Variants in TMEM163 observed in about 807,000 individuals in gnomAD.
The protein encoded by TMEM163 is transmembrane protein 163.
A neutral mutation model predicts 29.3 loss-of-function variants in TMEM163; 17 were observed. The ratio of observed to expected loss-of-function variants is 0.58; its 90% CI spans 0.40 to 0.87. TMEM163 has a LOEUF of 0.87. TMEM163 is among the 40% of genes least tolerant of loss of function. The pLI is 0.00. For synonymous variants in TMEM163, 157 were observed against 160.6 expected, an observed-to-expected ratio of 0.98 and a Z score of 0.17; for missense variants, 303 against 381.5, an observed-to-expected ratio of 0.79 and a Z score of 1.71.
At chr2:134,585,757 A>G (rs1170674313) in intron 2 of TMEM163, among the ~76,000 whole-genome samples, 9 of 147,710 alleles carry the variant, frequency 6.1e-5, no homozygotes. Context: ...AAAAAAAAAT[A>G]CCTGGAAGAG....
chr2:134,515,163 G>A (rs940921276), intron 4 of TMEM163, among the ~76,000 whole-genome samples: 2 of 152,152 alleles, frequency 1.3e-5, no homozygotes, highest in African/African-American at 4.8e-5. Context: ...GAGTCATCTC[G>A]AGCCTTAGTC....
chr2:134,679,970 G>A (rs1289386520), intron 2 of TMEM163, among the ~76,000 whole-genome samples: 2 of 149,306 alleles, frequency 1.3e-5, no homozygotes, highest in African/African-American at 4.9e-5. Context: ...CGTACTTTAA[G>A]TTGTTCTGTA....
At chr2:134,529,990 T>G (rs570421395) in intron 4 of TMEM163, among the ~76,000 whole-genome samples, 1 of 152,090 alleles carries the variant, frequency 6.6e-6, no homozygotes, top group African/African-American at 2.4e-5. Flanking sequence ...CTGGCATCAG[T>G]GCCTGCCAAG....
At chr2:134,685,534 G>T (rs1381268653) in intron 2 of TMEM163, among the ~76,000 whole-genome samples, 1 of 152,158 alleles carries the variant, frequency 6.6e-6, no homozygotes, top group Non-Finnish European at 1.5e-5. Context: ...GCATAATTTA[G>T]CATAATGTTA....
intron 2 of TMEM163, among the ~76,000 whole-genome samples, chr2:134,700,295 A>G (rs1029880110): frequency 6.6e-6 from 1 of 152,140 alleles, no homozygotes; most frequent in East Asian, 1.9e-4. Context: ...CTCTAAAAAC[A>G]CTGACTATTT....
intron 2 of TMEM163, among the ~76,000 whole-genome samples, chr2:134,569,935 C>T (rs1681382885): frequency 6.6e-6 from 1 of 152,118 alleles, no homozygotes; most frequent in Non-Finnish European, 1.5e-5. Flanking sequence ...TCCTTTTGTC[C>T]AGCAAATCCA....
chr2:134,531,903 C>A (rs1680424464), intron 4 of TMEM163, among the ~76,000 whole-genome samples: 2 of 152,182 alleles, frequency 1.3e-5, no homozygotes, highest in South Asian at 4.1e-4. Context: ...CTAAATTCTG[C>A]CTTGGTCTTT....
intron 2 of TMEM163, among the ~76,000 whole-genome samples, chr2:134,634,053 G>A (rs1683049479): frequency 7.2e-6 from 1 of 139,368 alleles, no homozygotes; most frequent in African/African-American, 2.6e-5. Context: ...AAAGTAAGAG[G>A]AAAGATGAGA....
intron 6 of TMEM163, among the ~76,000 whole-genome samples, chr2:134,461,744 G>A (rs947053991): frequency 1.4e-4 from 21 of 152,184 alleles, no homozygotes; most frequent in Admixed American, 2.6e-4. Context: ...ACACCCCAGC[G>A]ACAAGTGAGC....
At chr2:134,633,963 ATACATATATATATATATATATATATATAT>A (rs1683036069) in intron 2 of TMEM163, among the ~76,000 whole-genome samples, 1 of 85,050 alleles carries the variant, frequency 1.2e-5, no homozygotes, top group African/African-American at 4.7e-5. Flanking sequence ...CAAAAAAAAA[ATACATATATATATATATATATATATATAT>A]ATATATATAT....
intron 2 of TMEM163, among the ~76,000 whole-genome samples, chr2:134,564,378 AC>A (rs1425457690): frequency 6.6e-6 from 1 of 152,200 alleles, no homozygotes; most frequent in Non-Finnish European, 1.5e-5. Context: ...TATAGAGAAA[AC>A]TGTCGATGAG....
intron 2 of TMEM163, among the ~76,000 whole-genome samples, chr2:134,560,386 T>G (rs1681141009): frequency 6.6e-6 from 1 of 152,162 alleles, no homozygotes; most frequent in Non-Finnish European, 1.5e-5. Context: ...TGGAAAACTT[T>G]CAGATGGATT....
chr2:134,585,521 T>A (rs1681794859), intron 2 of TMEM163, among the ~76,000 whole-genome samples: 1 of 152,126 alleles, frequency 6.6e-6, no homozygotes, highest in Non-Finnish European at 1.5e-5. Context: ...GGCGGGCAGA[T>A]TACGAGGTCA....
chr2:134,695,477 A>T (rs1684558898), intron 2 of TMEM163, among the ~76,000 whole-genome samples: 1 of 152,090 alleles, frequency 6.6e-6, no homozygotes, highest in African/African-American at 2.4e-5. Flanking sequence ...ATACATTATA[A>T]ATCCCTAAGG....
chr2:134,517,908 T>C (rs964327610), intron 4 of TMEM163, among the ~76,000 whole-genome samples: 1 of 152,128 alleles, frequency 6.6e-6, no homozygotes, highest in Admixed American at 6.6e-5. Flanking sequence ...GATCTGCAAA[T>C]TGTGGGCTTC....
chr2:134,539,550 T>C (rs1680617020), intron 4 of TMEM163, among the ~76,000 whole-genome samples: 1 of 152,222 alleles, frequency 6.6e-6, no homozygotes, highest in African/African-American at 2.4e-5. Flanking sequence ...GGAAAAAGTA[T>C]GCTTGATATG....
chr2:134,578,099 A>C (rs1681607498), intron 2 of TMEM163, among the ~76,000 whole-genome samples: 1 of 152,096 alleles, frequency 6.6e-6, no homozygotes, highest in South Asian at 2.1e-4. Context: ...TAACCCTCCA[A>C]TTTTCCTATT....
At chr2:134,622,204 G>A (rs1453547278) in intron 2 of TMEM163, among the ~76,000 whole-genome samples, 2 of 152,148 alleles carry the variant, frequency 1.3e-5, no homozygotes, top group East Asian at 1.9e-4. Context: ...TTTTGGGGGT[G>A]ATGAAATGTT....
At chr2:134,471,421 GAC>G (rs1686798295) in intron 5 of TMEM163, among the ~76,000 whole-genome samples, 1 of 152,156 alleles carries the variant, frequency 6.6e-6, no homozygotes, top group Non-Finnish European at 1.5e-5. Context: ...GACACATGAG[GAC>G]ACAGTGAGAA....
Sources: allele counts gnomAD v4.1 joint callset (sites outside exome capture counted in the v4.1 genomes callset), GRCh38; gene constraint gnomAD v4.1.1; transcripts MANE v1.5; gene names NCBI Gene and HGNC (gene_info 2026-07-23, HGNC 2026-07-21).